PPFIA2: variants seen among roughly 807,000 people sequenced by gnomAD.
PPFIA2 encodes the protein PPFI scaffold protein A2.
PPFIA2 carries 46 observed loss-of-function variants against 175.5 expected under a neutral mutation model. The ratio of observed to expected loss-of-function variants is 0.26; its 90% CI spans 0.21 to 0.34. The LOEUF (loss-of-function observed/expected upper bound fraction) is 0.34, where lower values mean the gene tolerates loss of function less well. PPFIA2 is among the 10% of genes least tolerant of loss of function. PPFIA2 has a pLI of 1.00. For synonymous variants in PPFIA2, 568 were observed against 511.4 expected (o/e 1.11, Z -1.49); for missense variants, 1,179 against 1,506.1 (o/e 0.78, Z 3.60).
intron 3 of PPFIA2, among the ~76,000 whole-genome samples, chr12:81,693,387 C>T (rs2075490829): frequency 6.6e-6 from 1 of 151,816 alleles, no homozygotes; most frequent in Admixed American, 6.6e-5. Context: ...GTGGAACCTC[C>T]CCTCTAACTT....
At chr12:81,424,572 C>T (rs2046825795) in intron 7 of PPFIA2, among the ~76,000 whole-genome samples, 2 of 152,014 alleles carry the variant, frequency 1.3e-5, no homozygotes, top group South Asian at 4.2e-4. Flanking sequence ...GCTTTTTGTA[C>T]ATTAATATTC....
intron 17 of PPFIA2, among the ~76,000 whole-genome samples, chr12:81,349,793 A>C (rs1481631833): frequency 6.6e-6 from 1 of 152,156 alleles, no homozygotes; most frequent in Non-Finnish European, 1.5e-5. Context: ...ATAGTAGCTA[A>C]CTATAAAAGC....
At chr12:81,722,560 C>T (rs918182809) in intron 3 of PPFIA2, among the ~76,000 whole-genome samples, 3 of 150,866 alleles carry the variant, frequency 2.0e-5, no homozygotes, top group African/African-American at 7.3e-5. Flanking sequence ...CATCTTAGAA[C>T]CCCAGGAGAG....
chr12:81,750,539 G>A (rs1482459896), intron 3 of PPFIA2, among the ~76,000 whole-genome samples: 1 of 106,528 alleles, frequency 9.4e-6, no homozygotes. Context: ...GAGGTTCTGT[G>A]GAACATAAAA....
chr12:81,589,648 C>T (rs1343404710), intron 4 of PPFIA2, among the ~76,000 whole-genome samples: 2 of 152,038 alleles, frequency 1.3e-5, no homozygotes, highest in African/African-American at 2.4e-5. Context: ...ACAGTTTAGG[C>T]AGCAGAATAT....
intron 4 of PPFIA2, among the ~76,000 whole-genome samples, chr12:81,608,942 C>G (rs1227911411): frequency 1.3e-5 from 2 of 151,888 alleles, no homozygotes; most frequent in Non-Finnish European, 2.9e-5. Context: ...CTATAGACTT[C>G]CCTCTTAACA....
intron 2 of PPFIA2, among the ~76,000 whole-genome samples, chr12:81,755,158 G>T (rs1172643644): frequency 6.6e-6 from 1 of 152,160 alleles, no homozygotes; most frequent in East Asian, 1.9e-4. Flanking sequence ...TCTCAGTCAT[G>T]AAATAAACGA....
rs1000737772 is a variant in PPFIA2, at chr12:81,746,142, T to A, written c.249+7831A>T. 6.2e-5 allele frequency among the ~76,000 whole-genome samples: 9 copies of A among 144,386 alleles called. 3 individuals carry two copies. Among genetic ancestry groups the A allele is most frequent in the Non-Finnish European group, 1.4e-4 (9 of 64,362 alleles). 94.7% of individuals were successfully genotyped at this position (144,386 alleles called of 152,430 possible). ...AGAGGGAAACACTCCCACTTTAATA[T>A]CTGGGTGCTTAAATAAAATACTGAA... On this transcript the variant is annotated intron_variant, in intron 3 of 32. Coordinates refer to ENST00000549396, the MANE Select transcript of PPFIA2 (RefSeq NM_003625.5).
rs371085897 is a variant in PPFIA2 at position 81,275,405 on chromosome 12, G to A, written c.3310+1912C>T. On this transcript the variant is annotated intron_variant, in intron 28 of 32. Transcript: ENST00000549396. ...ATCACTTTCACATGCATTCAAGCCC[G>A]TTCCATTAGAACTAATGTACTTTCC... Among the ~76,000 whole-genome samples the A allele has an allele frequency of 3.9e-5, 6 of 152,242 alleles. No homozygotes were observed. The East Asian group carries it at 5.8e-4, about 15-fold the overall frequency.
chr12:81,495,030 A>C (rs1278913037), intron 4 of PPFIA2, among the ~76,000 whole-genome samples: 1 of 151,780 alleles, frequency 6.6e-6, no homozygotes, highest in Non-Finnish European at 1.5e-5. Context: ...CCAGCATGGC[A>C]CATGTATACA....
intron 26 of PPFIA2, among the ~76,000 whole-genome samples, chr12:81,282,046 C>A (rs1226908852): frequency 6.6e-6 from 1 of 151,976 alleles, no homozygotes; most frequent in East Asian, 1.9e-4. Context: ...AAGATAGACT[C>A]TAAAAGAAGC....
intron 4 of PPFIA2, among the ~76,000 whole-genome samples, chr12:81,470,944 T>C (rs946915557): frequency 3.7e-4 from 57 of 152,220 alleles, no homozygotes; most frequent in Middle Eastern, 6.8e-3. Context: ...CAATGTTCTG[T>C]TGTCTACTTC....
chr12:81,411,500 C>T (rs749499137), intron 7 of PPFIA2, among the ~76,000 whole-genome samples: 1 of 152,016 alleles, frequency 6.6e-6, no homozygotes, highest in Non-Finnish European at 1.5e-5. Context: ...TTGATTTTGG[C>T]TCTGACAAGC....
intron 3 of PPFIA2, among the ~76,000 whole-genome samples, 175 bp downstream of exon 3, chr12:81,753,798 G>C (rs565760184): frequency 1.3e-5 from 2 of 152,296 alleles, no homozygotes; most frequent in South Asian, 4.2e-4. Context: ...AGTAGTCCAT[G>C]ATTTTGTTTG....
intron 4 of PPFIA2, among the ~76,000 whole-genome samples, chr12:81,545,077 G>A (rs1272861215): frequency 6.9e-6 from 1 of 144,046 alleles, no homozygotes; most frequent in Non-Finnish European, 1.6e-5. Context: ...TGGCTTCACA[G>A]GTTTTAGAAA....
chr12:81,265,854 T>G (rs2136227512), intron 30 of PPFIA2, among the ~76,000 whole-genome samples: 1 of 152,318 alleles, frequency 6.6e-6, no homozygotes, highest in South Asian at 2.1e-4. Flanking sequence ...TAAGTAAGAA[T>G]AATTGTATTT....
intron 19 of PPFIA2, among the ~76,000 whole-genome samples, chr12:81,343,403 A>G (rs984691417): frequency 1.3e-5 from 2 of 152,154 alleles, no homozygotes; most frequent in African/African-American, 4.8e-5. Flanking sequence ...AATTTGGTAA[A>G]TAAGAATGAA....
intron 8 of PPFIA2, among the ~76,000 whole-genome samples, chr12:81,400,517 A>C (rs1241479249): frequency 6.6e-6 from 1 of 152,138 alleles, no homozygotes; most frequent in African/African-American, 2.4e-5. Context: ...ATTTTGCTTT[A>C]TGTACTTTTT....
At chr12:81,259,681 C>G (rs1459093693) in intron 32 of PPFIA2, 21 bp from the exon 33 acceptor site, 32 of 1,532,530 alleles carry the variant, frequency 2.1e-5, no homozygotes, top group Non-Finnish European at 2.7e-5. Flanking sequence ...CAATGGATAG[C>G]ATTAGTTCAC....
Sources: allele counts gnomAD v4.1 joint callset (sites outside exome capture counted in the v4.1 genomes callset), GRCh38; gene constraint gnomAD v4.1.1; transcripts MANE v1.5; gene names NCBI Gene and HGNC (gene_info 2026-07-23, HGNC 2026-07-21).